NAALADL2: variants seen among roughly 807,000 people sequenced by gnomAD.
NAALADL2 encodes the protein inactive N-acetylated-alpha-linked acidic dipeptidase-like protein 2.
Under a neutral mutation model 87.2 loss-of-function variants are expected in NAALADL2, and 76 were observed. The observed-to-expected ratio is 0.87, with a 90% CI of 0.72 to 1.05. The LOEUF is 1.05. Ranked by LOEUF, NAALADL2 falls within the 50% of genes least tolerant of loss-of-function variation. The pLI is 0.00. For synonymous variants in NAALADL2, 354 were observed against 331.0 expected (o/e 1.07, Z -0.75); for missense variants, 1,089 against 945.8 (o/e 1.15, Z -1.99).
At chr3:175,477,942 G>A (rs1293272250) in intron 9 of NAALADL2, among the ~76,000 whole-genome samples, 1 of 151,934 alleles carries the variant, frequency 6.6e-6, no homozygotes, top group Non-Finnish European at 1.5e-5. Context: ...ATCACAGAAG[G>A]TACAGTGCTA....
At chr3:175,526,274 A>G (rs540964363) in intron 9 of NAALADL2, among the ~76,000 whole-genome samples, 2 of 152,306 alleles carry the variant, frequency 1.3e-5, no homozygotes, top group Non-Finnish European at 2.9e-5. Flanking sequence ...TTGCATTGGT[A>G]CAGCTGTGCT....
At chr3:174,924,252 C>T (rs1735654133) in intron 1 of NAALADL2, among the ~76,000 whole-genome samples, 1 of 139,814 alleles carries the variant, frequency 7.2e-6, no homozygotes, top group Admixed American at 7.3e-5. Context: ...TGATGTCCCC[C>T]TTCCTGTGTC....
intron 9 of NAALADL2, among the ~76,000 whole-genome samples, chr3:175,488,329 T>G (rs895235736): frequency 6.6e-6 from 1 of 152,222 alleles, no homozygotes; most frequent in Non-Finnish European, 1.5e-5. Context: ...ATCTAGAACA[T>G]GTAGACAATA....
chr3:175,051,470 T>G (rs1230589726), intron 1 of NAALADL2, among the ~76,000 whole-genome samples: 1 of 152,110 alleles, frequency 6.6e-6, no homozygotes, highest in Non-Finnish European at 1.5e-5. Flanking sequence ...TTTCTTGTGG[T>G]TATAGAACTG....
chr3:175,419,777 T>C (rs572181458), intron 5 of NAALADL2, among the ~76,000 whole-genome samples: 3 of 152,034 alleles, frequency 2.0e-5, no homozygotes, highest in Admixed American at 6.6e-5. Flanking sequence ...AGTGTTATAT[T>C]GGGGAATGCA....
At chr3:175,623,758 G>A (rs1225444294) in intron 10 of NAALADL2, among the ~76,000 whole-genome samples, 1 of 151,968 alleles carries the variant, frequency 6.6e-6, no homozygotes, top group Non-Finnish European at 1.5e-5. Flanking sequence ...AATGAATAGA[G>A]GGGTGCAGAG....
At chr3:174,767,306 T>G (rs1713938655) in intron 3 of NAALADL2, among the ~76,000 whole-genome samples, 1 of 152,212 alleles carries the variant, frequency 6.6e-6, no homozygotes, top group Non-Finnish European at 1.5e-5. Context: ...ATAATCAAGT[T>G]TGTTGCATGG....
intron 1 of NAALADL2, among the ~76,000 whole-genome samples, chr3:174,532,614 TC>T (rs1721346155): frequency 6.6e-6 from 1 of 152,104 alleles, no homozygotes; most frequent in Admixed American, 6.6e-5. Context: ...ATAACTGGTT[TC>T]CCAAGCTACA....
At chr3:174,954,094 C>T (rs1740823237) in intron 1 of NAALADL2, among the ~76,000 whole-genome samples, 1 of 152,076 alleles carries the variant, frequency 6.6e-6, no homozygotes. Flanking sequence ...AGTGATGGCC[C>T]TATTTGCAAT....
intron 2 of NAALADL2, among the ~76,000 whole-genome samples, chr3:175,102,838 G>A (rs1185321908): frequency 2.6e-5 from 4 of 152,082 alleles, no homozygotes; most frequent in African/African-American, 4.8e-5. Context: ...GGCCAGGCAC[G>A]GTGGTTCATG....
chr3:174,526,250 C>T (rs1033411304), intron 1 of NAALADL2, among the ~76,000 whole-genome samples: 3 of 152,140 alleles, frequency 2.0e-5, no homozygotes, highest in Non-Finnish European at 4.4e-5. Context: ...GGCATACTGG[C>T]AATTCAGTGG....
intron 1 of NAALADL2, among the ~76,000 whole-genome samples, chr3:174,464,512 A>T (rs1716406366): frequency 6.6e-6 from 1 of 151,890 alleles, no homozygotes; most frequent in Non-Finnish European, 1.5e-5. Flanking sequence ...TTTCTCCATC[A>T]CATAACAGTG....
chr3:175,222,944 G>A (rs188442888), intron 2 of NAALADL2, among the ~76,000 whole-genome samples: 1 of 151,970 alleles, frequency 6.6e-6, no homozygotes, highest in Non-Finnish European at 1.5e-5. Flanking sequence ...CATTCAACCT[G>A]TTGTGGTATT....
intron 3 of NAALADL2, among the ~76,000 whole-genome samples, chr3:174,818,513 T>C (rs1721046575): frequency 6.6e-6 from 1 of 152,142 alleles, no homozygotes; most frequent in Admixed American, 6.6e-5. Context: ...TATTTGAATA[T>C]AAAAATAACA....
intron 2 of NAALADL2, among the ~76,000 whole-genome samples, chr3:174,565,770 C>G (rs1390552340): frequency 6.6e-6 from 1 of 151,924 alleles, no homozygotes; most frequent in Non-Finnish European, 1.5e-5. Flanking sequence ...GGTGTCTGTA[C>G]CATTTTGTAT....
chr3:175,394,798 G>A (rs1337634720), intron 5 of NAALADL2, among the ~76,000 whole-genome samples: 2 of 152,138 alleles, frequency 1.3e-5, no homozygotes, highest in Non-Finnish European at 2.9e-5. Context: ...TATTTACTAA[G>A]CACTAATCAT....
At chr3:174,607,980 T>A (rs1560089076) in intron 2 of NAALADL2, among the ~76,000 whole-genome samples, 1 of 152,102 alleles carries the variant, frequency 6.6e-6, no homozygotes, top group Non-Finnish European at 1.5e-5. Flanking sequence ...CAGACCACAG[T>A]GCAATCAAAC....
At chr3:175,422,960 AG>A (rs1240813874) in intron 5 of NAALADL2, among the ~76,000 whole-genome samples, 2 of 146,196 alleles carry the variant, frequency 1.4e-5, no homozygotes, top group African/African-American at 2.5e-5. Flanking sequence ...ATTAGAAGAT[AG>A]GGGGCACTAT....
chr3:175,221,831 G>T (rs572053310), intron 2 of NAALADL2, among the ~76,000 whole-genome samples: 1 of 151,294 alleles, frequency 6.6e-6, no homozygotes, highest in African/African-American at 2.4e-5. Context: ...GCTGGAGTGC[G>T]TGGCTCGATC....
Sources: allele counts gnomAD v4.1 joint callset (sites outside exome capture counted in the v4.1 genomes callset), GRCh38; gene constraint gnomAD v4.1.1; transcripts MANE v1.5; gene names NCBI Gene and HGNC (gene_info 2026-07-23, HGNC 2026-07-21).